SLC25A21: variants seen among roughly 807,000 people sequenced by gnomAD.
SLC25A21 encodes solute carrier family 25 member 21.
A neutral mutation model predicts 43.8 loss-of-function variants in SLC25A21; 47 were observed. The observed-to-expected ratio is 1.07, with a 90% CI of 0.85 to 1.37. The LOEUF (loss-of-function observed/expected upper bound fraction) is 1.37. Among genes scored for constraint, SLC25A21 ranks in the 40% most tolerant of loss-of-function variants. The probability of loss-of-function intolerance (pLI) is 0.00; values close to 1 mark genes in which losing one functional copy is unlikely to be tolerated. For synonymous variants in SLC25A21, 131 were observed against 121.3 expected, an observed-to-expected ratio of 1.08 and a Z score of -0.52; for missense variants, 352 against 350.2, an observed-to-expected ratio of 1.00 and a Z score of -0.04.
chr14:37,007,768 A>G (rs1296179502), intron 1 of SLC25A21, among the ~76,000 whole-genome samples: 1 of 152,108 alleles, frequency 6.6e-6, no homozygotes, highest in African/African-American at 2.4e-5. Context: ...TCATTTTTTC[A>G]GTGAAAGCAT....
At chr14:36,885,839 A>G (rs1890897049) in intron 1 of SLC25A21, among the ~76,000 whole-genome samples, 1 of 152,176 alleles carries the variant, frequency 6.6e-6, no homozygotes, top group South Asian at 2.1e-4. Context: ...GTTACAAGTG[A>G]AACCTGTTTT....
chr14:37,170,043 C>A (rs946793377), intron 1 of SLC25A21, among the ~76,000 whole-genome samples: 14 of 147,596 alleles, frequency 9.5e-5, no homozygotes, highest in African/African-American at 3.2e-4. Flanking sequence ...GTTTGATCTA[C>A]TTTTTTTTTT....
At position 36,711,488 on chromosome 14, in the gene SLC25A21, G is replaced by A. The variant is rs978690918; in HGVS notation, c.439-6C>T. ...TAACCCACAGTGGATGGTTGCTGCAGAAGAGAGAAGCAAGGCCAGAATGAT... is the reference window on the plus strand; with the variant it reads ...TAACCCACAGTGGATGGTTGCTGCAAAAGAGAGAAGCAAGGCCAGAATGAT... On this transcript the variant is annotated splice_region_variant and splice_polypyrimidine_tract_variant and intron_variant, in intron 6 of 9. Coordinates refer to ENST00000331299, the MANE Select transcript of SLC25A21 (RefSeq NM_030631.4). 5 of 1,612,468 alleles carry A rather than the reference G, an allele frequency of 3.1e-6. No homozygotes were observed. The highest frequency in any genetic ancestry group is 2.7e-5 in the African/African-American group (2 of 74,848).
chr14:37,084,823 G>C (rs1276144677), intron 1 of SLC25A21, among the ~76,000 whole-genome samples: 1 of 152,216 alleles, frequency 6.6e-6, no homozygotes, highest in Non-Finnish European at 1.5e-5. Context: ...AGATTGTGTA[G>C]TACTGGCATA....
intron 1 of SLC25A21, among the ~76,000 whole-genome samples, chr14:37,065,404 G>A (rs548857334): frequency 5.3e-5 from 8 of 152,178 alleles, no homozygotes; most frequent in Non-Finnish European, 4.4e-5. Context: ...GAGGTGAACC[G>A]AGCTCTGGAG....
intron 1 of SLC25A21, among the ~76,000 whole-genome samples, chr14:37,065,634 A>C (rs1198364362): frequency 6.6e-6 from 1 of 152,218 alleles, no homozygotes; most frequent in Admixed American, 6.5e-5. Flanking sequence ...TCTATTGCTG[A>C]GCAGATTAAG....
chr14:36,732,930 A>C (rs1484585275), intron 4 of SLC25A21, among the ~76,000 whole-genome samples: 1 of 152,218 alleles, frequency 6.6e-6, no homozygotes, highest in African/African-American at 2.4e-5. Flanking sequence ...GATGTCTGGG[A>C]CACATACACC....
chr14:36,693,163 T>C (rs2139155005), intron 7 of SLC25A21, among the ~76,000 whole-genome samples: 1 of 152,360 alleles, frequency 6.6e-6, no homozygotes, highest in Admixed American at 6.5e-5. Context: ...ATTTCATTTT[T>C]TTGAATCATT....
chr14:37,057,474 T>C (rs1178487382), intron 1 of SLC25A21, among the ~76,000 whole-genome samples: 1 of 152,210 alleles, frequency 6.6e-6, no homozygotes, highest in African/African-American at 2.4e-5. Context: ...TAGCTCCCTT[T>C]TCATACCCTC....
intron 1 of SLC25A21, among the ~76,000 whole-genome samples, chr14:36,970,114 T>C (rs955737991): frequency 6.6e-6 from 1 of 152,252 alleles, no homozygotes; most frequent in South Asian, 2.1e-4. Context: ...AAACAAACAA[T>C]ATATCAGTGA....
intron 1 of SLC25A21, among the ~76,000 whole-genome samples, chr14:36,994,864 T>A (rs17105891): frequency 0.11 from 16,096 of 152,214 alleles, 1,050 homozygotes; most frequent in African/African-American, 0.18. Flanking sequence ...TCTTGAAAAT[T>A]TCAAGTTGAG....
chr14:37,033,145 CCT>C (rs111542387), intron 1 of SLC25A21, among the ~76,000 whole-genome samples: 7,522 of 152,180 alleles, frequency 0.049, 237 homozygotes, highest in African/African-American at 0.084. Context: ...TACTCCAGCC[CCT>C]GGCAACCACC....
chr14:37,059,336 C>T (rs895275249), intron 1 of SLC25A21, among the ~76,000 whole-genome samples: 2 of 152,138 alleles, frequency 1.3e-5, no homozygotes, highest in Admixed American at 6.5e-5. Flanking sequence ...ACTCAGTAGA[C>T]AGTGGCAGAG....
At chr14:36,751,778 C>A (rs1885718002) in intron 3 of SLC25A21, among the ~76,000 whole-genome samples, 1 of 152,162 alleles carries the variant, frequency 6.6e-6, no homozygotes, top group South Asian at 2.1e-4. Flanking sequence ...GGGGATCCAG[C>A]CACAATGTTT....
intron 7 of SLC25A21, among the ~76,000 whole-genome samples, chr14:36,690,492 T>C (rs1465941878): frequency 6.6e-6 from 1 of 152,202 alleles, no homozygotes; most frequent in African/African-American, 2.4e-5. Flanking sequence ...CCCAAGCCTA[T>C]GTTTCTTAAC....
rs188825308 is a variant in SLC25A21, at chr14:37,094,873, T to G, written c.70+77408A>C. ...ATTTCAGTTGGATAAGAGGAATAAG[T>G]TCACAACACCTATTGTACAACATGG... On this transcript the variant is annotated intron_variant, in intron 1 of 9. Transcript: ENST00000331299. Among the ~76,000 whole-genome samples, 140 of 152,292 alleles carry G rather than the reference T, an allele frequency of 9.2e-4. 1 individual carries two copies. Among genetic ancestry groups the G allele is most frequent in the Admixed American group, 8.6e-3 (131 of 15,292 alleles).
intron 1 of SLC25A21, among the ~76,000 whole-genome samples, chr14:36,896,356 T>C (rs145716601): frequency 0.012 from 1,887 of 152,256 alleles, 28 homozygotes; most frequent in Non-Finnish European, 0.019. Flanking sequence ...GAGACTAGGA[T>C]TGCAACTCCT....
At chr14:36,903,238 C>T (rs992509395) in intron 1 of SLC25A21, among the ~76,000 whole-genome samples, 1 of 152,128 alleles carries the variant, frequency 6.6e-6, no homozygotes, top group Non-Finnish European at 1.5e-5. Flanking sequence ...AAAATCTTCT[C>T]TTTCTTTCAA....
At chr14:36,884,919 T>G (rs1301561988) in intron 1 of SLC25A21, among the ~76,000 whole-genome samples, 1 of 150,760 alleles carries the variant, frequency 6.6e-6, no homozygotes, top group African/African-American at 2.4e-5. Context: ...ACCCATGGGT[T>G]GTCTATTCAC....
Sources: gnomAD v4.1 joint callset for allele counts (sites outside exome capture counted in the v4.1 genomes callset) on GRCh38, gnomAD v4.1.1 for gene constraint, MANE v1.5 for transcripts, NCBI Gene and HGNC (gene_info 2026-07-23, HGNC 2026-07-21) for gene names.